The following HOXD1 variants were observed in gnomAD, a reference collection of about 807,000 sequenced individuals.
HOXD1 encodes homeobox protein Hox-D1.
A neutral mutation model predicts 19.9 loss-of-function variants in HOXD1; 17 were observed. The observed-to-expected ratio is 0.85, with a 90% CI of 0.58 to 1.28. HOXD1 has a LOEUF of 1.28. HOXD1 is among the 50% of genes most tolerant of loss of function. HOXD1 has a pLI of 0.00. For missense variants in HOXD1, 500 were observed against 460.1 expected, an observed-to-expected ratio of 1.09 and a Z score of -0.79; for synonymous variants, 239 against 216.0, an observed-to-expected ratio of 1.11 and a Z score of -0.93.
At position 176,190,461 on chromosome 2, in the gene HOXD1, A is replaced by G. The variant is rs1421846595; in HGVS notation, c.*319A>G. On this transcript the variant is annotated 3_prime_UTR_variant, in exon 2 of 2. Transcript: ENST00000331462. ...AATTCGCGTTGCAGAGTGGCAGACC[A>G]TTAGTTGCTGAGTTCTGTCAGCACT... 5 of 341,462 alleles carry G rather than the reference A, an allele frequency of 1.5e-5. No homozygotes were observed. Among genetic ancestry groups the G allele is most frequent in the Admixed American group, 1.3e-4 (3 of 22,250 alleles). 21.2% of individuals were successfully genotyped at this position (341,462 alleles called of 1,614,324 possible). A position where few individuals can be genotyped will look rare whatever the true frequency, so the allele number is the denominator to read the frequency against.
At position 176,189,359 on chromosome 2, in the gene HOXD1, C is replaced by T; in HGVS notation, c.558C>T (p.Gly186=). The change falls in exon 1 of 2, where the codon GGC becomes GGT. Residue 186 remains glycine (G), a synonymous_variant. Coordinates refer to ENST00000331462, the MANE Select transcript of HOXD1 (RefSeq NM_024501.3). ...TCCAGACCGCATCCCCGGCCCCAGGCACCTACCCCAAGTCCGTCTCTCCCG... is the reference window on the plus strand; with the variant it reads ...TCCAGACCGCATCCCCGGCCCCAGGTACCTACCCCAAGTCCGTCTCTCCCG... ...GAFQTASPAP[G]TYPKSVSPAS... is the part of the protein sequence containing the mutation. 1 of 1,613,248 alleles carries T rather than the reference C, an allele frequency of 6.2e-7. No homozygotes were observed. The highest frequency in any genetic ancestry group is 1.1e-5 in the South Asian group (1 of 91,080).
rs1308271163 is a variant in HOXD1 at position 176,190,800 on chromosome 2, A to G, written c.*658A>G. 1 of 152,640 alleles carries G rather than the reference A, an allele frequency of 6.6e-6. No homozygotes were observed. The highest frequency in any genetic ancestry group is 1.5e-5 in the Non-Finnish European group (1 of 68,054). The allele number at this position is 152,640 out of a possible 1,614,324, so 9.5% of individuals were successfully genotyped here. A position where few individuals can be genotyped will look rare whatever the true frequency, so the allele number is the denominator to read the frequency against. ...TATTCAAACTTGAATGTAAATATAT[A>G]CAGTATGTATATTTTTTAAAAAGAT... On this transcript the variant is annotated 3_prime_UTR_variant, in exon 2 of 2. Coordinates refer to ENST00000331462, the MANE Select transcript of HOXD1 (RefSeq NM_024501.3).
In HOXD1 at chr2:176,188,766, C is replaced by A; in HGVS notation, c.-36C>A. The A allele has an allele frequency of 6.3e-7, 1 of 1,595,480 alleles. No homozygotes were observed. Among genetic ancestry groups the A allele is most frequent in the Non-Finnish European group, 8.5e-7 (1 of 1,171,376 alleles). On this transcript the variant is annotated 5_prime_UTR_variant, in exon 1 of 2. Coordinates refer to ENST00000331462, the MANE Select transcript of HOXD1 (RefSeq NM_024501.3). ...CCTCTGCCCGGCTCCGTACTCCGGCCCCGGCCTGCGCCCTCAGAAAGGTGG... is the reference window on the plus strand; with the variant it reads ...CCTCTGCCCGGCTCCGTACTCCGGCACCGGCCTGCGCCCTCAGAAAGGTGG...
chr2:176,189,510 C>G, intron 1 of HOXD1, 57 bp downstream of exon 1: 2 of 1,612,120 alleles, frequency 1.2e-6, no homozygotes, highest in South Asian at 1.1e-5. Flanking sequence ...GCCTCCCCCG[C>G]GGAAATGCGC....
intron 1 of HOXD1, 51 bp downstream of exon 1, chr2:176,189,504 C>T (rs1056679616): frequency 1.2e-6 from 2 of 1,612,270 alleles, no homozygotes; most frequent in African/African-American, 1.3e-5. Context: ...GACGGAGCCT[C>T]CCCCGCGGAA....
rs138188388 is a variant in HOXD1, at chr2:176,189,509, G to T, written c.652+56G>T. On this transcript the variant is annotated intron_variant, in intron 1 of 1. Transcript: ENST00000331462. Reference sequence around the variant, plus strand: ...TGGGGTTGGGGACGGAGCCTCCCCCGCGGAAATGCGCTGGGAGCGTGGTGT... The same window carrying T: ...TGGGGTTGGGGACGGAGCCTCCCCCTCGGAAATGCGCTGGGAGCGTGGTGT... 1.2e-4 allele frequency: 198 copies of T among 1,612,088 alleles called. 1 individual carries two copies. In the African/African-American group the frequency reaches 2.3e-3, roughly 18 times the overall value.
At position 176,190,869 on chromosome 2, in the gene HOXD1, G is replaced by A. The variant is rs957871872; in HGVS notation, c.*727G>A. 1 of 152,510 alleles carries A rather than the reference G, an allele frequency of 6.6e-6. No individual in the cohort carries two copies. Among genetic ancestry groups the A allele is most frequent in the Non-Finnish European group, 1.5e-5 (1 of 68,028 alleles). 9.4% of individuals were successfully genotyped at this position (152,510 alleles called of 1,614,324 possible). ...TAAGTGACATTTAATGTCATAGCAT[G>A]TAAAGGGTTTTTTTTGTAATAAAAA... On this transcript the variant is annotated 3_prime_UTR_variant, in exon 2 of 2. Transcript: ENST00000331462.
rs11551009 is a variant in HOXD1 at position 176,190,650 on chromosome 2, C to G, written c.*508C>G. ...CACATTTGCACTCCAGTTTTTTTTT[C>G]TTTAAAAAAGCGGTTTCTACCTCTC... On this transcript the variant is annotated 3_prime_UTR_variant, in exon 2 of 2. Transcript: ENST00000331462. 6.6e-6 allele frequency: 1 copy of G among 152,502 alleles called. No individual in the cohort carries two copies. The highest frequency in any genetic ancestry group is 1.5e-5 in the Non-Finnish European group (1 of 68,326). The allele number at this position is 152,502 out of a possible 1,614,324, so 9.4% of individuals were successfully genotyped here.
At position 176,189,943 on chromosome 2, in the gene HOXD1, C is replaced by A. The variant is rs766344824; in HGVS notation, c.788C>A (p.Ala263Asp). ...YLTRARRIEI[A>D]NCLHLNDTQV... ...ACTCGAGCCCGGCGCATCGAGATAGCCAACTGCTTGCACCTGAATGACACG... is the reference window on the plus strand; with the variant it reads ...ACTCGAGCCCGGCGCATCGAGATAGACAACTGCTTGCACCTGAATGACACG... Residue 263 changes from alanine to aspartate, a missense_variant, in exon 2 of 2, where the codon GCC becomes GAC. Ala to Asp is a moderately radical substitution (Grantham distance 126). Coordinates refer to ENST00000331462, the MANE Select transcript of HOXD1 (RefSeq NM_024501.3). The A allele has an allele frequency of 6.2e-7, 1 of 1,614,038 alleles. No homozygotes were observed. The highest frequency in any genetic ancestry group is 1.6e-4 in the Middle Eastern group (1 of 6,084).
chr2:176,190,017 G>A lies in HOXD1; in HGVS notation c.862G>A (p.Glu288Lys). 3.1e-6 allele frequency: 5 copies of A among 1,614,066 alleles called. No homozygotes were observed. The highest frequency in any genetic ancestry group is 4.2e-6 in the Non-Finnish European group (5 of 1,179,976). Residue 288 changes from glutamate to lysine, a missense_variant, in exon 2 of 2, where the codon GAA (glutamate) becomes AAA (lysine). By Grantham distance (56) the Glu-to-Lys change is moderately conservative. Coordinates refer to ENST00000331462, the MANE Select transcript of HOXD1 (RefSeq NM_024501.3). ...QNRRMKQKKR[E>K]REGLLATAIP... ...CCGCAGGATGAAACAGAAGAAAAGG[G>A]AACGAGAAGGGCTTCTGGCCACGGC... is the stretch of plus-strand genomic sequence containing the variant.
In HOXD1 at chr2:176,188,740, G is replaced by C. The variant is rs777587802; in HGVS notation, c.-62G>C. 1.9e-6 allele frequency: 3 copies of C among 1,539,174 alleles called. No homozygotes were observed. The highest frequency in any genetic ancestry group is 8.9e-7 in the Non-Finnish European group (1 of 1,129,494). ...GCGCAGACGGCGGCAGTCCTGCTCA[G>C]CCTCTGCCCGGCTCCGTACTCCGGC... On this transcript the variant is annotated 5_prime_UTR_variant, in exon 1 of 2. Coordinates refer to ENST00000331462, the MANE Select transcript of HOXD1 (RefSeq NM_024501.3).
chr2:176,189,941 A>G lies in HOXD1; in HGVS notation c.786A>G (p.Ile262Met). 6.2e-7 allele frequency: 1 copy of G among 1,614,188 alleles called. No individual in the cohort carries two copies. Among genetic ancestry groups the G allele is most frequent in the Non-Finnish European group, 8.5e-7 (1 of 1,180,030 alleles). ...KYLTRARRIEIANCLHLNDTQ... is the reference protein window; with the variant it reads ...KYLTRARRIEMANCLHLNDTQ... ...TAACTCGAGCCCGGCGCATCGAGAT[A>G]GCCAACTGCTTGCACCTGAATGACA... The change falls in exon 2 of 2, where the codon ATA becomes ATG. Residue 262 changes from isoleucine to methionine, a missense_variant. Transcript: ENST00000331462.
At position 176,189,152 on chromosome 2, in the gene HOXD1, C is replaced by G. The variant is rs757006539; in HGVS notation, c.351C>G (p.Phe117Leu). 50 of 1,590,534 alleles carry G rather than the reference C, an allele frequency of 3.1e-5. No homozygotes were observed. In the Admixed American group the frequency reaches 4.1e-4, roughly 13 times the overall value. ...TGGGGTCCGGGCCGGCGTACGACTT[C>G]CCGGGCGTGCTGGGGCGGGCGGCCG... ...GFLGSGPAYD[F>L]PGVLGRAADD... is the part of the protein sequence containing the mutation. The change falls in exon 1 of 2, where the codon TTC (phenylalanine) becomes TTG (leucine). Residue 117 changes from phenylalanine to leucine, a missense_variant. Transcript: ENST00000331462.
Position 176,189,249 on chromosome 2 carries a change from G to C in HOXD1, c.448G>C (p.Gly150Arg). ...FSGGGSFLLS[G>R]QVDYAAFGEP... ...GGGCGGCGGCTCTTTCCTCCTCAGC[G>C]GCCAGGTGGATTACGCGGCCTTCGG... The change falls in exon 1 of 2, where the codon GGC becomes CGC. Residue 150 changes from glycine to arginine, a missense_variant. Physicochemically the swap from Gly to Arg is moderately radical, Grantham distance 125. Coordinates refer to ENST00000331462, the MANE Select transcript of HOXD1 (RefSeq NM_024501.3). The C allele has an allele frequency of 6.3e-7, 1 of 1,597,798 alleles. No homozygotes were observed. Among genetic ancestry groups the C allele is most frequent in the Admixed American group, 1.7e-5 (1 of 58,292 alleles).
In HOXD1 at chr2:176,189,790, C is replaced by G; in HGVS notation, c.653-18C>G. On this transcript the variant is annotated intron_variant, in intron 1 of 1. Transcript: ENST00000331462. The stretch of plus-strand genomic sequence containing the variant: ...CCCCGGCCTCAGGCCTGGCTGACGC[C>G]CTGTCTTTACGTTGCAGGCAAACTC... The G allele has an allele frequency of 6.2e-7, 1 of 1,612,360 alleles. No individual in the cohort carries two copies. Among genetic ancestry groups the G allele is most frequent in the East Asian group, 2.2e-5 (1 of 44,838 alleles).
chr2:176,190,041 G>A lies in HOXD1; in HGVS notation c.886G>A (p.Ala296Thr), dbSNP rs6710142. 358,320 of 1,613,400 alleles carry A rather than the reference G, an allele frequency of 0.22. 42,346 individuals carry two copies. The highest frequency in any genetic ancestry group is 0.31 in the African/African-American group (22,882 of 74,878). The change falls in exon 2 of 2, where the codon GCC (alanine) becomes ACC (threonine). Residue 296 changes from alanine (A) to threonine (T), a missense_variant. Transcript: ENST00000331462. ...KREREGLLAT[A>T]IPVAPLQLPL... ...GGAACGAGAAGGGCTTCTGGCCACGGCCATTCCTGTGGCTCCCCTCCAACT... is the reference window on the plus strand; with the variant it reads ...GGAACGAGAAGGGCTTCTGGCCACGACCATTCCTGTGGCTCCCCTCCAACT...
chr2:176,189,526 G>C, intron 1 of HOXD1, 73 bp downstream of exon 1: 1 of 1,610,180 alleles, frequency 6.2e-7, no homozygotes, highest in Non-Finnish European at 8.5e-7. Flanking sequence ...TGCGCTGGGA[G>C]CGTGGTGTCG....
In HOXD1 at chr2:176,189,341, C is replaced by T; in HGVS notation, c.540C>T (p.Thr180=). ...ACGGCCACCCTGGTGCTTTCCAGAC[C>T]GCATCCCCGGCCCCAGGCACCTACC... ...SADGHPGAFQ[T]ASPAPGTYPK... is the part of the protein sequence containing the mutation. The change falls in exon 1 of 2, where the codon ACC becomes ACT. Residue 180 remains threonine, a synonymous_variant. Transcript: ENST00000331462. The T allele has an allele frequency of 2.5e-6, 4 of 1,612,872 alleles. No homozygotes were observed. The highest frequency in any genetic ancestry group is 2.5e-6 in the Non-Finnish European group (3 of 1,179,928).
In HOXD1 at chr2:176,188,925, C is replaced by T. The variant is rs776133529; in HGVS notation, c.124C>T (p.Pro42Ser). The T allele has an allele frequency of 2.4e-5, 38 of 1,578,426 alleles. No homozygotes were observed. Among genetic ancestry groups the T allele is most frequent in the East Asian group, 1.4e-4 (6 of 42,822 alleles). The part of the protein sequence containing the change: ...ARPVALQPAF[P>S]LGNGDGAFVS... ...GCCCGTGGCTCTGCAGCCCGCCTTCCCTCTGGGCAACGGCGACGGCGCCTT... is the reference window on the plus strand; with the variant it reads ...GCCCGTGGCTCTGCAGCCCGCCTTCTCTCTGGGCAACGGCGACGGCGCCTT... The change falls in exon 1 of 2, where the codon CCT becomes TCT. Residue 42 changes from proline (P) to serine (S), a missense_variant. Physicochemically the swap from Pro to Ser is moderately conservative, Grantham distance 74 (BLOSUM62 -1). Transcript: ENST00000331462.
Sources: allele counts gnomAD v4.1 joint callset, GRCh38; gene constraint gnomAD v4.1.1; transcripts MANE v1.5; gene names NCBI Gene and HGNC (gene_info 2026-07-23, HGNC 2026-07-21).